The following SPC24 variants were observed in gnomAD, a reference collection of about 807,000 sequenced individuals.
SPC24 encodes SPC24 component of NDC80 kinetochore complex.
In SPC24, 31 loss-of-function variants were observed where a neutral mutation model predicts 27.6. The observed-to-expected ratio is 1.12, with a 90% CI of 0.84 to 1.52. The LOEUF (loss-of-function observed/expected upper bound fraction) is 1.52, where lower values mean the gene tolerates loss of function less well. SPC24 is among the 40% of genes most tolerant of loss of function. The probability of loss-of-function intolerance (pLI) is 0.00; values close to 1 mark genes in which losing one functional copy is unlikely to be tolerated. For missense variants in SPC24, 284 were observed against 252.5 expected, an observed-to-expected ratio of 1.12 and a Z score of -0.84; for synonymous variants, 105 against 105.8, an observed-to-expected ratio of 0.99 and a Z score of 0.05.
rs145900965 is a variant in SPC24, at chr19:11,148,966, C to G, written c.305+128G>C. On this transcript the variant is annotated intron_variant, in intron 2 of 4. Transcript: ENST00000592540. ...GGGTCTCTGTTGTCCAGGCTGGTCT[C>G]CAACTCCTGGGCTCAAGTGATCCTC... 2,320 of 963,292 alleles carry G rather than the reference C, an allele frequency of 2.4e-3. 23 individuals carry two copies. The highest frequency in any genetic ancestry group is 9.2e-3 in the South Asian group (401 of 43,516). The allele number at this position is 963,292 out of a possible 1,614,324, so 59.7% of individuals were successfully genotyped here. A position where few individuals can be genotyped will look rare whatever the true frequency, so the allele number is the denominator to read the frequency against.
In SPC24 at chr19:11,155,651, C is replaced by T; in HGVS notation, c.126G>A (p.Leu42=). The change falls in exon 1 of 5, where the codon CTG becomes CTA. Residue 42 remains leucine, a synonymous_variant. Coordinates refer to ENST00000592540, the MANE Select transcript of SPC24 (RefSeq NM_182513.4). ...GCTTCTCGGCACCGTCTTGCGTTTCCAGCAGCCGCTCCACCACCTGCTCGT... is the reference window on the plus strand; with the variant it reads ...GCTTCTCGGCACCGTCTTGCGTTTCTAGCAGCCGCTCCACCACCTGCTCGT... ...GRHEQVVERL[L]ETQDGAEKQL... 1 of 1,553,326 alleles carries T rather than the reference C, an allele frequency of 6.4e-7. No homozygotes were observed. Among genetic ancestry groups the T allele is most frequent in the Non-Finnish European group, 8.7e-7 (1 of 1,155,872 alleles).
intron 1 of SPC24, among the ~76,000 whole-genome samples, chr19:11,151,750 C>T (rs8113571): frequency 0.032 from 4,844 of 151,712 alleles, 260 homozygotes; most frequent in African/African-American, 0.11. Flanking sequence ...GCTGGGATTA[C>T]AGGCACCCAC....
intron 1 of SPC24, among the ~76,000 whole-genome samples, chr19:11,150,158 G>A (rs2077859432): frequency 7.4e-6 from 1 of 135,892 alleles, no homozygotes; most frequent in Non-Finnish European, 1.5e-5. Context: ...CTGCACTCCA[G>A]CCTAGGGGGC....
At position 11,146,484 on chromosome 19, in the gene SPC24, G is replaced by GAAT. The variant is rs2077824559; in HGVS notation, c.*698_*699insATT. On this transcript the variant is annotated 3_prime_UTR_variant, in exon 5 of 5. Coordinates refer to ENST00000592540, the MANE Select transcript of SPC24 (RefSeq NM_182513.4). ...ATCCAGTAAAAAAAAAAAAAAAAAA[G>GAAT]GCCAGGCGCGGTGACTCACACCTGT... The GAAT allele has an allele frequency of 5.0e-5, 1 of 20,072 alleles. No individual in the cohort carries two copies. Among genetic ancestry groups the GAAT allele is most frequent in the Non-Finnish European group, 1.6e-4 (1 of 6,420 alleles). The allele number at this position is 20,072 out of a possible 1,614,324, so 1.2% of individuals were successfully genotyped here.
chr19:11,149,748 T>C (rs1392019102), intron 1 of SPC24, among the ~76,000 whole-genome samples: 5 of 151,282 alleles, frequency 3.3e-5, no homozygotes. Flanking sequence ...TTTGCTCTTA[T>C]TGCCCAGGCT....
chr19:11,151,619 T>G (rs1234960214), intron 1 of SPC24, among the ~76,000 whole-genome samples: 16 of 148,324 alleles, frequency 1.1e-4, no homozygotes, highest in East Asian at 2.0e-4. Context: ...ACTTTTTTTT[T>G]GGGGGGGGGG....
chr19:11,155,552 G>T, intron 1 of SPC24, 65 bp downstream of exon 1: 1 of 1,490,134 alleles, frequency 6.7e-7, no homozygotes, highest in Non-Finnish European at 8.9e-7. Flanking sequence ...AGGTGGGCCT[G>T]GTCGCCCCCT....
rs534671777 is a variant in SPC24, at chr19:11,146,747, G to A, written c.*436C>T. 4.2e-3 allele frequency: 596 copies of A among 140,612 alleles called. 1 individual carries two copies. Among genetic ancestry groups the A allele is most frequent in the Admixed American group, 5.7e-3 (76 of 13,368 alleles). 8.7% of individuals were successfully genotyped at this position (140,612 alleles called of 1,614,324 possible). On this transcript the variant is annotated 3_prime_UTR_variant, in exon 5 of 5. Coordinates refer to ENST00000592540, the MANE Select transcript of SPC24 (RefSeq NM_182513.4). ...CGCACCACTGCACTCCAGCCTGGGC[G>A]ACAGAGTGAGACTCCGTCTCAAAAA... is the stretch of plus-strand genomic sequence containing the variant.
intron 2 of SPC24, 44 bp downstream of exon 2, chr19:11,149,050 T>TGCGTGTTTTCTAGCAAG: frequency 6.9e-7 from 1 of 1,443,418 alleles, no homozygotes; most frequent in Non-Finnish European, 9.1e-7. Context: ...CCTGGCCCTA[T>TGCGTGTTTTCTAGCAAG]GCGTGTTTTC....
rs2077831021 is a variant in SPC24, at chr19:11,147,069, A to C, written c.*114T>G. On this transcript the variant is annotated 3_prime_UTR_variant, in exon 5 of 5. Transcript: ENST00000592540. ...CACTCCAGACTGGACAACAAGAGTG[A>C]AACTCTGTCTCAAAAAAAAAAAAAA... 2 of 637,164 alleles carry C rather than the reference A, an allele frequency of 3.1e-6. No individual in the cohort carries two copies. The highest frequency in any genetic ancestry group is 5.1e-6 in the Non-Finnish European group (2 of 393,222). 39.5% of individuals were successfully genotyped at this position (637,164 alleles called of 1,614,324 possible). A position where few individuals can be genotyped will look rare whatever the true frequency, so the allele number is the denominator to read the frequency against.
chr19:11,153,084 G>A lies in SPC24; in HGVS notation c.160+2533C>T, dbSNP rs562943039. The stretch of plus-strand genomic sequence containing the variant: ...CAGCTGTCAGGGAGAACCGTATGGC[G>A]GTTCCTCAGAAATCAAACTTTGAAT... On this transcript the variant is annotated intron_variant, in intron 1 of 4. Transcript: ENST00000592540. Among the ~76,000 whole-genome samples, 22 of 152,124 alleles carry A rather than the reference G, an allele frequency of 1.4e-4. No homozygotes were observed. In the East Asian group the frequency reaches 3.7e-3, roughly 25 times the overall value.
intron 4 of SPC24, 70 bp from the exon 5 acceptor site, chr19:11,147,359 T>C: frequency 9.3e-7 from 1 of 1,080,860 alleles, no homozygotes; most frequent in Non-Finnish European, 1.3e-6. Context: ...AAAAGGATAC[T>C]GCCTTTACTT....
At chr19:11,149,028 T>G in intron 2 of SPC24, 66 bp downstream of exon 2, 8 of 1,393,054 alleles carry the variant, frequency 5.7e-6, no homozygotes, top group Non-Finnish European at 6.6e-6. Flanking sequence ...ATTACAGGCT[T>G]GAGCCACTGC....
In SPC24 at chr19:11,146,973, T is replaced by C; in HGVS notation, c.*210A>G. 1 of 313,966 alleles carries C rather than the reference T, an allele frequency of 3.2e-6. No homozygotes were observed. The highest frequency in any genetic ancestry group is 6.6e-5 in the East Asian group (1 of 15,162). 19.4% of individuals were successfully genotyped at this position (313,966 alleles called of 1,614,324 possible). ...CGCATGCCTGTAATCCCAGCTACTT[T>C]GGAGGCTGAGGCAGGAGAATCGCTT... On this transcript the variant is annotated 3_prime_UTR_variant, in exon 5 of 5. Transcript: ENST00000592540.
intron 2 of SPC24, 131 bp from the exon 3 acceptor site, chr19:11,148,248 C>T: frequency 1.5e-6 from 1 of 651,904 alleles, no homozygotes; most frequent in Non-Finnish European, 2.7e-6. Flanking sequence ...TGCTTTGTCA[C>T]CCAGGCTGGA....
At position 11,155,750 on chromosome 19, in the gene SPC24, C is replaced by T; in HGVS notation, c.27G>A (p.Glu9=). The change falls in exon 1 of 5, where the codon GAG becomes GAA. Residue 9 remains glutamate, a synonymous_variant. Coordinates refer to ENST00000592540, the MANE Select transcript of SPC24 (RefSeq NM_182513.4). MAAFRDIE[E]VSQGLLSLLG... The stretch of plus-strand genomic sequence containing the variant: ...GCAGGCTGAGCAGCCCCTGGCTCAC[C>T]TCCTCTATGTCGCGGAAGGCGGCCA... 1.3e-5 allele frequency: 20 copies of T among 1,574,306 alleles called. No homozygotes were observed. Among genetic ancestry groups the T allele is most frequent in the Non-Finnish European group, 1.7e-5 (20 of 1,168,220 alleles).
Position 11,147,574 on chromosome 19 carries a change from G to A in SPC24, c.487+244C>T, listed in dbSNP as rs575845808. ...CTCCCAAAGTGCTGGGATTACAGGCGTGAGGTACCACACTTGGCCTGCTAT... is the reference window on the plus strand; with the variant it reads ...CTCCCAAAGTGCTGGGATTACAGGCATGAGGTACCACACTTGGCCTGCTAT... On this transcript the variant is annotated intron_variant, in intron 4 of 4. Coordinates refer to ENST00000592540, the MANE Select transcript of SPC24 (RefSeq NM_182513.4). 6.2e-4 allele frequency: 357 copies of A among 571,642 alleles called. 4 individuals carry two copies. The highest frequency in any genetic ancestry group is 4.9e-3 in the South Asian group (235 of 48,380). 35.4% of individuals were successfully genotyped at this position (571,642 alleles called of 1,614,324 possible).
intron 1 of SPC24, among the ~76,000 whole-genome samples, chr19:11,151,348 TG>T (rs1443263893): frequency 6.6e-6 from 1 of 152,060 alleles, no homozygotes; most frequent in African/African-American, 2.4e-5. Context: ...CTGTTTTCTC[TG>T]GCACTGGCCT....
At chr19:11,151,535 G>A (rs967183226) in intron 1 of SPC24, among the ~76,000 whole-genome samples, 1 of 151,724 alleles carries the variant, frequency 6.6e-6, no homozygotes, top group African/African-American at 2.4e-5. Context: ...TCTTCCCTGA[G>A]TAGTAATCTC....
Sources: allele counts gnomAD v4.1 joint callset (sites outside exome capture counted in the v4.1 genomes callset), GRCh38; gene constraint gnomAD v4.1.1; transcripts MANE v1.5; gene names NCBI Gene and HGNC (gene_info 2026-07-23, HGNC 2026-07-21).